Variants in OR6K3 observed in about 807,000 individuals in gnomAD.
The protein encoded by OR6K3 is olfactory receptor 6K3.
For synonymous variants in OR6K3, 169 were observed against 137.7 expected (o/e 1.23, Z -1.59); for missense variants, 396 against 382.5 (o/e 1.04, Z -0.29).
chr1:158,721,977 G>A (rs190877173), upstream of OR6K3, among the ~76,000 whole-genome samples: 9 of 151,554 alleles, frequency 5.9e-5, no homozygotes, highest in African/African-American at 2.2e-4. Context: ...TTTTAAATAG[G>A]AAACATTTTA....
rs1656182038 is a variant in OR6K3, at chr1:158,717,558, G to A, written c.558C>T (p.Ser186=). The A allele has an allele frequency of 1.5e-5, 24 of 1,613,770 alleles. No individual in the cohort carries two copies. The highest frequency in any genetic ancestry group is 3.3e-4 in the Middle Eastern group (2 of 6,054). ...TCATGGACGTGTCTGTACAGGCCAG[G>A]CTTAGCACAGGGACCAAGTCACAGA... is the stretch of plus-strand genomic sequence containing the variant. ...QIFCDLVPVL[S]LACTDTSMIL... The change falls in exon 2 of 2, where the codon AGC becomes AGT. Residue 186 remains serine (S), a synonymous_variant. Coordinates refer to ENST00000368145, the MANE Select transcript of OR6K3 (RefSeq NM_001005327.3).
chr1:158,718,191 A>T (rs1046918392), intron 1 of OR6K3, 59 bp from the exon 2 acceptor site: 1 of 867,642 alleles, frequency 1.2e-6, no homozygotes, highest in African/African-American at 1.7e-5. Context: ...AATAAATAAG[A>T]TGTACAGCTA....
upstream of OR6K3, chr1:158,724,788 G>A: frequency 9.1e-6 from 2 of 220,488 alleles, no homozygotes; most frequent in South Asian, 1.6e-4. Flanking sequence ...CCATGGAGAT[G>A]GTCCTCTGCC....
chr1:158,717,402 A>G lies in OR6K3; in HGVS notation c.714T>C (p.Ser238=), dbSNP rs200661072. The G allele has an allele frequency of 1.5e-5, 24 of 1,613,640 alleles. No individual in the cohort carries two copies. Among genetic ancestry groups the G allele is most frequent in the African/African-American group, 5.3e-5 (4 of 74,898 alleles). ...PSSEGRQKAF[S]TCAGHLMVFP... ...AGACCATGAGGTGGCCTGCACAGGTAGAAAAAGCCTTTTGCCTCCCTTCAG... is the reference window on the plus strand; with the variant it reads ...AGACCATGAGGTGGCCTGCACAGGTGGAAAAAGCCTTTTGCCTCCCTTCAG... Residue 238 remains serine, a synonymous_variant, in exon 2 of 2, where the codon TCT becomes TCC. Transcript: ENST00000368145.
upstream of OR6K3, chr1:158,725,057 A>G (rs1182629920): frequency 6.6e-6 from 1 of 152,562 alleles, no homozygotes; most frequent in Non-Finnish European, 1.5e-5. Context: ...AGTTTGGTTA[A>G]TACTCACCAT....
rs531806414 is a variant in OR6K3 at position 158,717,948 on chromosome 1, G to T, written c.168C>A (p.His56Gln). 1.5e-5 allele frequency: 24 copies of T among 1,613,634 alleles called. No individual in the cohort carries two copies. The South Asian group carries it at 2.6e-4, about 18-fold the overall frequency. The part of the protein sequence containing the change: ...FSAVRLDTHL[H>Q]NPMYNFISIF... ...TACTGATAAAATTATACATGGGGTT[G>T]TGGAGATGGGTGTCCAGCCTTACAG... Residue 56 changes from histidine (H) to glutamine (Q), a missense_variant, in exon 2 of 2, where the codon CAC becomes CAA. Physicochemically the swap from His to Gln is conservative, Grantham distance 24. Coordinates refer to ENST00000368145, the MANE Select transcript of OR6K3 (RefSeq NM_001005327.3).
chr1:158,723,936 G>A (rs1429776033), upstream of OR6K3, among the ~76,000 whole-genome samples: 1 of 151,900 alleles, frequency 6.6e-6, no homozygotes, highest in Non-Finnish European at 1.5e-5. Context: ...TATAAGTCTA[G>A]ACAGGTAGTC....
At position 158,717,655 on chromosome 1, in the gene OR6K3, A is replaced by C. The variant is rs752673949; in HGVS notation, c.461T>G (p.Leu154Arg). Reference sequence around the variant, plus strand: ...CATCACAATCTCGGGAAGCAGGATAAGGAAACCGAAGAGGCAGGAACCTGC... The same window carrying C: ...CATCACAATCTCGGGAAGCAGGATACGGAAACCGAAGAGGCAGGAACCTGC... Reference protein sequence around the residue: ...LSAGSCLFGFLILLPEIVMIS... With the variant: ...LSAGSCLFGFRILLPEIVMIS... Residue 154 changes from leucine (L) to arginine (R), a missense_variant, in exon 2 of 2, where the codon CTT becomes CGT. Physicochemically the swap from Leu to Arg is moderately radical, Grantham distance 102 (BLOSUM62 -2). Coordinates refer to ENST00000368145, the MANE Select transcript of OR6K3 (RefSeq NM_001005327.3). 3 of 1,613,720 alleles carry C rather than the reference A, an allele frequency of 1.9e-6. No homozygotes were observed. In the African/African-American group the frequency reaches 4.0e-5, roughly 22 times the overall value.
rs1485422541 is a variant in OR6K3, at chr1:158,717,808, A to T, written c.308T>A (p.Phe103Tyr). 20 of 1,613,858 alleles carry T rather than the reference A, an allele frequency of 1.2e-5. No homozygotes were observed. Among genetic ancestry groups the T allele is most frequent in the Non-Finnish European group, 1.4e-5 (17 of 1,179,840 alleles). The change falls in exon 2 of 2, where the codon TTC (phenylalanine) becomes TAC (tyrosine). Residue 103 changes from phenylalanine to tyrosine, a missense_variant. Phe to Tyr is a conservative substitution (Grantham distance 22). Coordinates refer to ENST00000368145, the MANE Select transcript of OR6K3 (RefSeq NM_001005327.3). ...CTCTGAGTTTTCAAGTGAGTGGAAG[A>T]AATACATCTGCAAGATGCAGCCAGT... The part of the protein sequence containing the change: ...SMTGCILQMY[F>Y]FHSLENSEGI...
In OR6K3 at chr1:158,717,132, A is replaced by G. The variant is rs560737751; in HGVS notation, c.*36T>C. ...AAACTCCATCTCAAAAAACAAAACA[A>G]AACAAAAGCAACGGAAGGGAACCTG... On this transcript the variant is annotated 3_prime_UTR_variant, in exon 2 of 2. Transcript: ENST00000368145. 2.1e-6 allele frequency: 3 copies of G among 1,450,226 alleles called. No individual in the cohort carries two copies. Among genetic ancestry groups the G allele is most frequent in the Non-Finnish European group, 2.8e-6 (3 of 1,054,990 alleles). 89.8% of individuals were successfully genotyped at this position (1,450,226 alleles called of 1,614,324 possible). A position where few individuals can be genotyped will look rare whatever the true frequency, so the allele number is the denominator to read the frequency against.
intron 1 of OR6K3, among the ~76,000 whole-genome samples, chr1:158,719,588 C>T (rs879538618): frequency 3.3e-5 from 5 of 151,952 alleles, no homozygotes; most frequent in Non-Finnish European, 5.9e-5. Flanking sequence ...CTCCTCTGCC[C>T]CCTCTCCTCA....
At chr1:158,723,223 ATCTG>A (rs1035182156), upstream of OR6K3, among the ~76,000 whole-genome samples, 22 of 136,274 alleles carry the variant, frequency 1.6e-4, no homozygotes, top group African/African-American at 5.4e-4. Flanking sequence ...TCTATTACCT[ATCTG>A]TCTATCTATC....
upstream of OR6K3, chr1:158,724,612 A>G: frequency 8.2e-6 from 2 of 243,898 alleles, no homozygotes; most frequent in South Asian, 1.4e-4. Flanking sequence ...AAAGCCAAAG[A>G]TGCAGGACCC....
In OR6K3 at chr1:158,716,654, C is replaced by T. The variant is rs1656152537; in HGVS notation, c.*514G>A. ...AAGAAAGAAACTACAGTTATTCAGC[C>T]ACATAATAAGGTTCCTCATGATATG... On this transcript the variant is annotated 3_prime_UTR_variant, in exon 2 of 2. Coordinates refer to ENST00000368145, the MANE Select transcript of OR6K3 (RefSeq NM_001005327.3). 1 of 152,940 alleles carries T rather than the reference C, an allele frequency of 6.5e-6. No homozygotes were observed. Among genetic ancestry groups the T allele is most frequent in the African/African-American group, 2.4e-5 (1 of 41,398 alleles). The allele number at this position is 152,940 out of a possible 1,614,324, so 9.5% of individuals were successfully genotyped here. A position where few individuals can be genotyped will look rare whatever the true frequency, so the allele number is the denominator to read the frequency against.
Position 158,717,219 on chromosome 1 carries a change from C to A in OR6K3, c.897G>T (p.Ala299=). 2 of 1,613,042 alleles carry A rather than the reference C, an allele frequency of 1.2e-6. No homozygotes were observed. The highest frequency in any genetic ancestry group is 4.5e-5 in the East Asian group (2 of 44,846). ...TTTGAAGACAGAACAGTTTTTTAATCGCATTGTTCATGTCCTTGTTTCTCA... is the reference window on the plus strand; with the variant it reads ...TTTGAAGACAGAACAGTTTTTTAATAGCATTGTTCATGTCCTTGTTTCTCA... ...YSLRNKDMNN[A]IKKLFCLQKV... is the part of the protein sequence containing the mutation. Residue 299 remains alanine (A), a synonymous_variant, in exon 2 of 2, where the codon GCG becomes GCT. Coordinates refer to ENST00000368145, the MANE Select transcript of OR6K3 (RefSeq NM_001005327.3).
chr1:158,720,757 A>G (rs1257671630), upstream of OR6K3: 1 of 151,956 alleles, frequency 6.6e-6, no homozygotes, highest in Non-Finnish European at 1.5e-5. Flanking sequence ...CCTTTTCAAA[A>G]AGGGATTTAT....
chr1:158,721,268 G>A (rs993891992), upstream of OR6K3, among the ~76,000 whole-genome samples: 2 of 152,034 alleles, frequency 1.3e-5, no homozygotes, highest in Admixed American at 1.3e-4. Context: ...GTGTGTATGG[G>A]TCTTTCCTAC....
In OR6K3 at chr1:158,717,397, C is replaced by G; in HGVS notation, c.719G>C (p.Cys240Ser). The G allele has an allele frequency of 6.2e-7, 1 of 1,613,694 alleles. No individual in the cohort carries two copies. Among genetic ancestry groups the G allele is most frequent in the Non-Finnish European group, 8.5e-7 (1 of 1,179,766 alleles). The change falls in exon 2 of 2, where the codon TGT (cysteine) becomes TCT (serine). Residue 240 changes from cysteine (C) to serine (S), a missense_variant. Cys to Ser is a moderately radical substitution (Grantham distance 112). Transcript: ENST00000368145. Reference sequence around the variant, plus strand: ...CGGGAAGACCATGAGGTGGCCTGCACAGGTAGAAAAAGCCTTTTGCCTCCC... The same window carrying G: ...CGGGAAGACCATGAGGTGGCCTGCAGAGGTAGAAAAAGCCTTTTGCCTCCC... The part of the protein sequence containing the change: ...SEGRQKAFST[C>S]AGHLMVFPIF...
chr1:158,717,382 A>G lies in OR6K3; in HGVS notation c.734T>C (p.Met245Thr), dbSNP rs867685922. ...ACTGCCAAAGAATATCGGGAAGACC[A>G]TGAGGTGGCCTGCACAGGTAGAAAA... ...KAFSTCAGHL[M>T]VFPIFFGSVS... Residue 245 changes from methionine (M) to threonine (T), a missense_variant, in exon 2 of 2, where the codon ATG (methionine) becomes ACG (threonine). Met to Thr is a moderately conservative substitution (Grantham distance 81). Transcript: ENST00000368145. The G allele has an allele frequency of 2.2e-5, 35 of 1,613,748 alleles. 1 individual carries two copies. In the Middle Eastern group the frequency reaches 5.1e-3, roughly 236 times the overall value.
Sources: gnomAD v4.1 joint callset for allele counts (sites outside exome capture counted in the v4.1 genomes callset) on GRCh38, gnomAD v4.1.1 for gene constraint, MANE v1.5 for transcripts, NCBI Gene and HGNC (gene_info 2026-07-23, HGNC 2026-07-21) for gene names.